Variants in MSRB3 observed in about 807,000 individuals in gnomAD.
The protein encoded by MSRB3 is methionine-R-sulfoxide reductase B3.
In MSRB3, 13 loss-of-function variants were observed where a neutral mutation model predicts 21.0. The observed-to-expected ratio is 0.62, with a 90% CI of 0.40 to 0.98. The LOEUF is 0.98. MSRB3 is among the 50% of genes least tolerant of loss of function. The probability of loss-of-function intolerance (pLI) is 0.00; values close to 1 mark genes in which losing one functional copy is unlikely to be tolerated. For synonymous variants in MSRB3, 87 were observed against 88.6 expected (o/e 0.98, Z 0.10); for missense variants, 199 against 230.3 (o/e 0.86, Z 0.88).
intron 5 of MSRB3, among the ~76,000 whole-genome samples, chr12:65,434,305 C>T (rs895166697): frequency 1.3e-5 from 2 of 151,860 alleles, no homozygotes; most frequent in Non-Finnish European, 2.9e-5. Context: ...GTGTCTGTCT[C>T]CTATAGGATT....
chr12:65,313,489 AAGACATATATGCATCT>A (rs2136430046), intron 2 of MSRB3, among the ~76,000 whole-genome samples: 1 of 152,020 alleles, frequency 6.6e-6, no homozygotes, highest in South Asian at 2.1e-4. Flanking sequence ...TTTTCCAGAA[AAGACATATATGCATCT>A]ACACATGTTT....
chr12:65,350,359 G>A (rs1334731797), intron 4 of MSRB3, among the ~76,000 whole-genome samples: 1 of 151,934 alleles, frequency 6.6e-6, no homozygotes, highest in Admixed American at 6.6e-5. Flanking sequence ...CTCCAGCTTT[G>A]CCAAAATGTA....
intron 4 of MSRB3, among the ~76,000 whole-genome samples, chr12:65,364,774 G>A (rs1877910204): frequency 6.6e-6 from 1 of 152,134 alleles, no homozygotes; most frequent in Non-Finnish European, 1.5e-5. Flanking sequence ...GTTTAAGTCT[G>A]TATGTAAAAT....
At chr12:65,452,777 G>A (rs1011473734) in intron 5 of MSRB3, among the ~76,000 whole-genome samples, 20 of 152,082 alleles carry the variant, frequency 1.3e-4, no homozygotes, top group African/African-American at 4.6e-4. Flanking sequence ...AAAGCACCAG[G>A]TTCTTAACGG....
intron 5 of MSRB3, among the ~76,000 whole-genome samples, chr12:65,383,531 A>T (rs565914572): frequency 5.7e-4 from 87 of 152,210 alleles, no homozygotes; most frequent in African/African-American, 2.0e-3. Flanking sequence ...GTGTTGATTC[A>T]ACAGCTATTT....
At chr12:65,362,347 G>T (rs979798321) in intron 4 of MSRB3, among the ~76,000 whole-genome samples, 16 of 152,260 alleles carry the variant, frequency 1.1e-4, no homozygotes, top group African/African-American at 3.1e-4. Context: ...TTTCTGAGAA[G>T]CATCACCAGC....
chr12:65,329,939 C>T (rs1875301684), intron 4 of MSRB3, among the ~76,000 whole-genome samples: 1 of 152,154 alleles, frequency 6.6e-6, no homozygotes, highest in Non-Finnish European at 1.5e-5. Context: ...AAAAACCGAC[C>T]CTTCAAATTG....
intron 5 of MSRB3, among the ~76,000 whole-genome samples, chr12:65,391,851 T>C (rs1222147342): frequency 6.6e-6 from 1 of 152,048 alleles, no homozygotes; most frequent in Non-Finnish European, 1.5e-5. Flanking sequence ...AAGAGAAAAT[T>C]TGAGCCAAGT....
rs114227767 is a variant in MSRB3, at chr12:65,345,098, G to A, written c.263+16495G>A. On this transcript the variant is annotated intron_variant, in intron 4 of 6. Coordinates refer to ENST00000308259, the MANE Select transcript of MSRB3 (RefSeq NM_001031679.3). ...TTATCAATTGTCTGAATGCGAGATT[G>A]GTGAAAAGCTATTCCTAAAGATTAA... Among the ~76,000 whole-genome samples the A allele has an allele frequency of 5.4e-3, 815 of 152,082 alleles. 11 individuals are homozygous for A. Among genetic ancestry groups the A allele is most frequent in the African/African-American group, 0.018 (757 of 41,512 alleles).
At chr12:65,380,935 C>T (rs756227514) in intron 5 of MSRB3, among the ~76,000 whole-genome samples, 1 of 152,164 alleles carries the variant, frequency 6.6e-6, no homozygotes, top group Non-Finnish European at 1.5e-5. Context: ...GTCATACACC[C>T]TATTCCCACA....
intron 5 of MSRB3, among the ~76,000 whole-genome samples, chr12:65,376,425 T>C (rs1487252017): frequency 6.6e-6 from 1 of 152,204 alleles, no homozygotes; most frequent in African/African-American, 2.4e-5. Context: ...TTCTGCTTCT[T>C]TAGATATTAC....
At chr12:65,301,975 G>C (rs918873887) in intron 1 of MSRB3, among the ~76,000 whole-genome samples, 8 of 151,158 alleles carry the variant, frequency 5.3e-5, no homozygotes, top group Non-Finnish European at 1.0e-4. Context: ...TTTTATTTTG[G>C]GTAATATAGT....
intron 5 of MSRB3, among the ~76,000 whole-genome samples, chr12:65,444,963 T>G (rs1456534736): frequency 6.6e-6 from 1 of 152,222 alleles, no homozygotes; most frequent in African/African-American, 2.4e-5. Context: ...AGGACCTTAC[T>G]GTCTTTTATG....
At chr12:65,337,398 T>C (rs112398372) in intron 4 of MSRB3, among the ~76,000 whole-genome samples, 11,624 of 128,996 alleles carry the variant, frequency 0.09, 1,624 homozygotes, top group African/African-American at 0.31. Context: ...CACACCACCG[T>C]ACTCCAGCCT....
Position 65,368,994 on chromosome 12 carries a change from G to C in MSRB3, c.264-4G>C, listed in dbSNP as rs1423742528. 6.6e-7 allele frequency: 1 copy of C among 1,515,412 alleles called. No individual in the cohort carries two copies. Among genetic ancestry groups the C allele is most frequent in the Admixed American group, 1.9e-5 (1 of 52,546 alleles). 93.9% of individuals were successfully genotyped at this position (1,515,412 alleles called of 1,614,324 possible). On this transcript the variant is annotated splice_region_variant and splice_polypyrimidine_tract_variant and intron_variant, in intron 4 of 6. Transcript: ENST00000308259. Reference sequence around the variant, plus strand: ...TATTGTAAAAACTTTCTTTCTCTTTGCAGGTCAGAAACCAAATTTGACTCC... The same window carrying C: ...TATTGTAAAAACTTTCTTTCTCTTTCCAGGTCAGAAACCAAATTTGACTCC...
intron 1 of MSRB3, among the ~76,000 whole-genome samples, chr12:65,298,240 G>A (rs577871882): frequency 6.2e-4 from 95 of 152,294 alleles, no homozygotes; most frequent in Middle Eastern, 3.4e-3. Context: ...CTGAGCTCAA[G>A]CGATCCTCCT....
intron 4 of MSRB3, among the ~76,000 whole-genome samples, chr12:65,362,092 GC>G (rs1414695099): frequency 1.3e-5 from 2 of 152,110 alleles, no homozygotes; most frequent in African/African-American, 4.8e-5. Flanking sequence ...GACTGGCAAT[GC>G]CAGACCCTAC....
At chr12:65,461,947 C>T (rs1883349062) in intron 6 of MSRB3, among the ~76,000 whole-genome samples, 1 of 152,158 alleles carries the variant, frequency 6.6e-6, no homozygotes, top group South Asian at 2.1e-4. Context: ...ATATCACCTT[C>T]CTTTTTTGCT....
At chr12:65,459,799 T>A (rs562577787) in intron 6 of MSRB3, among the ~76,000 whole-genome samples, 1 of 152,348 alleles carries the variant, frequency 6.6e-6, no homozygotes, top group South Asian at 2.1e-4. Flanking sequence ...GAATACACTA[T>A]TTGTGTTTCT....
Sources: gnomAD v4.1 joint callset for allele counts (sites outside exome capture counted in the v4.1 genomes callset) on GRCh38, gnomAD v4.1.1 for gene constraint, MANE v1.5 for transcripts, NCBI Gene and HGNC (gene_info 2026-07-23, HGNC 2026-07-21) for gene names.